Variants in ADCY3 observed in about 807,000 individuals in gnomAD.
ADCY3 encodes the protein adenylate cyclase 3, also known as adenylate cyclase type 3.
ADCY3 carries 70 observed loss-of-function variants against 119.4 expected under a neutral mutation model. The observed-to-expected ratio is 0.59, with a 90% CI of 0.48 to 0.72. The LOEUF is 0.72. Ranked by LOEUF, ADCY3 falls within the 30% of genes least tolerant of loss-of-function variation. ADCY3 has a pLI of 0.00. For missense variants in ADCY3, 1,238 were observed against 1,541.6 expected (o/e 0.80, Z 3.30); for synonymous variants, 672 against 621.4 (o/e 1.08, Z -1.21).
intron 2 of ADCY3, among the ~76,000 whole-genome samples, chr2:24,886,253 A>G (rs1677010811): frequency 6.6e-6 from 1 of 152,148 alleles, no homozygotes; most frequent in Admixed American, 6.5e-5. Context: ...AGGAAATGCC[A>G]ACTCCACGGT....
chr2:24,820,903 C>A, intron 20 of ADCY3, 55 bp from the exon 21 acceptor site: 2 of 1,598,444 alleles, frequency 1.3e-6, no homozygotes, highest in Non-Finnish European at 1.7e-6. Flanking sequence ...TGTTATGGGC[C>A]TCAGAAGCCA....
chr2:24,890,936 A>G (rs1414542692), intron 2 of ADCY3, among the ~76,000 whole-genome samples: 1 of 151,868 alleles, frequency 6.6e-6, no homozygotes, highest in Non-Finnish European at 1.5e-5. Flanking sequence ...CAGTGGCACG[A>G]TCTCGGCTCA....
chr2:24,859,655 G>A (rs567214243), intron 3 of ADCY3, among the ~76,000 whole-genome samples: 2 of 152,318 alleles, frequency 1.3e-5, no homozygotes, highest in South Asian at 2.1e-4. Flanking sequence ...CCCAAGCTCC[G>A]GGGCTCCCAG....
At chr2:24,849,094 G>A (rs117138435) in intron 3 of ADCY3, among the ~76,000 whole-genome samples, 3,912 of 152,292 alleles carry the variant, frequency 0.026, 66 homozygotes, top group South Asian at 0.049. Flanking sequence ...TCACAGCACC[G>A]TGCTGGCCTC....
intron 3 of ADCY3, among the ~76,000 whole-genome samples, chr2:24,860,529 T>A (rs1296071613): frequency 6.6e-6 from 1 of 152,116 alleles, no homozygotes. Context: ...CAGGCTCCAC[T>A]ACCTCCCTGA....
chr2:24,836,184 C>T (rs1020285574), intron 9 of ADCY3, among the ~76,000 whole-genome samples: 1 of 152,176 alleles, frequency 6.6e-6, no homozygotes, highest in Non-Finnish European at 1.5e-5. Flanking sequence ...AGTGAGTGCC[C>T]TGAGTCTGGA....
Position 24,823,352 on chromosome 2 carries a change from G to A in ADCY3, c.2740C>T (p.Leu914=). ...FLGSKKRDEE[L]YSQTYDEIGV... is the part of the protein sequence containing the mutation. ...ATCTCATCATACGTCTGGCTATACAGCTCCTAAAAAGAGGTGCGGACAACG... is the reference window on the plus strand; with the variant it reads ...ATCTCATCATACGTCTGGCTATACAACTCCTAAAAAGAGGTGCGGACAACG... The change falls in exon 18 of 22, where the codon CTG becomes TTG. Residue 914 remains leucine (L), a synonymous_variant. Coordinates refer to ENST00000679454, the MANE Select transcript of ADCY3 (RefSeq NM_004036.5). 10 of 1,611,336 alleles carry A rather than the reference G, an allele frequency of 6.2e-6. No individual in the cohort carries two copies. The highest frequency in any genetic ancestry group is 7.6e-6 in the Non-Finnish European group (9 of 1,179,244).
chr2:24,829,114 T>C (rs1278489395), intron 13 of ADCY3, among the ~76,000 whole-genome samples: 1 of 151,926 alleles, frequency 6.6e-6, no homozygotes, highest in Non-Finnish European at 1.5e-5. Flanking sequence ...CCTCCCAGGT[T>C]CAAGCGATTC....
Position 24,831,730 on chromosome 2 carries a change from T to G in ADCY3, c.1987A>C (p.Thr663Pro), listed in dbSNP as rs750097204. The G allele has an allele frequency of 4.3e-6, 7 of 1,611,740 alleles. No homozygotes were observed. In the East Asian group the frequency reaches 1.6e-4, roughly 36 times the overall value. Residue 663 changes from threonine (T) to proline (P), a missense_variant, in exon 12 of 22, where the codon ACC becomes CCC. Transcript: ENST00000679454. Reference sequence around the variant, plus strand: ...AGCAGAATCTCCCCCACCATGAAGGTCACATAGTTTGTCATTAGCCTGTGA... The same window carrying G: ...AGCAGAATCTCCCCCACCATGAAGGGCACATAGTTTGTCATTAGCCTGTGA... Reference protein sequence around the residue: ...IDPWLMTNYVTFMVGEILLLI... With the variant: ...IDPWLMTNYVPFMVGEILLLI...
chr2:24,907,638 G>C (rs1663029734), intron 2 of ADCY3, among the ~76,000 whole-genome samples: 1 of 152,018 alleles, frequency 6.6e-6, no homozygotes, highest in African/African-American at 2.4e-5. Context: ...AGAGGGGATG[G>C]GCCTGCTGAA....
chr2:24,870,804 T>G (rs1396238765), intron 3 of ADCY3, among the ~76,000 whole-genome samples: 1 of 152,140 alleles, frequency 6.6e-6, no homozygotes, highest in Non-Finnish European at 1.5e-5. Flanking sequence ...CTAAAAAAGC[T>G]CTATGGGTTA....
At chr2:24,880,849 T>C (rs1676302137) in intron 2 of ADCY3, among the ~76,000 whole-genome samples, 1 of 152,168 alleles carries the variant, frequency 6.6e-6, no homozygotes, top group Admixed American at 6.5e-5. Context: ...AACTCATCTC[T>C]ACTAAAAGTA....
At position 24,837,061 on chromosome 2, in the gene ADCY3, G is replaced by C; in HGVS notation, c.1534-16C>G. ...TGGGCAGGGCCTAGAGGAAAGGAGA[G>C]CTCAGCCATGATCTGGGCATGGGAT... On this transcript the variant is annotated splice_polypyrimidine_tract_variant and intron_variant, in intron 8 of 21. Coordinates refer to ENST00000679454, the MANE Select transcript of ADCY3 (RefSeq NM_004036.5). The C allele has an allele frequency of 6.2e-7, 1 of 1,613,132 alleles. No homozygotes were observed. The highest frequency in any genetic ancestry group is 8.5e-7 in the Non-Finnish European group (1 of 1,179,592).
intron 15 of ADCY3, chr2:24,826,371 G>A: frequency 2.1e-6 from 1 of 484,034 alleles, no homozygotes; most frequent in South Asian, 2.9e-5. Context: ...TCACATCAGG[G>A]CTGCTCCCCA....
intron 11 of ADCY3, among the ~76,000 whole-genome samples, chr2:24,833,349 C>T (rs576900777): frequency 3.9e-5 from 6 of 152,212 alleles, no homozygotes; most frequent in Non-Finnish European, 7.3e-5. Flanking sequence ...CCAGGCCACT[C>T]CAGCCTCAGC....
intron 2 of ADCY3, among the ~76,000 whole-genome samples, chr2:24,890,065 G>C (rs182304837): frequency 1.3e-5 from 2 of 152,084 alleles, no homozygotes; most frequent in Admixed American, 1.3e-4. Flanking sequence ...GCTTTTTTCT[G>C]CATTTGACAA....
At chr2:24,892,253 C>CTT (rs34728703) in intron 2 of ADCY3, among the ~76,000 whole-genome samples, 5,876 of 144,220 alleles carry the variant, frequency 0.041, 387 homozygotes, top group African/African-American at 0.14. Flanking sequence ...TGTATTGAGT[C>CTT]TTTTTTTTTT....
At chr2:24,877,899 T>G (rs1376958045) in intron 2 of ADCY3, 1 of 471,110 alleles carries the variant, frequency 2.1e-6, no homozygotes, top group Non-Finnish European at 4.4e-6. Context: ...CACTGCCCAG[T>G]CCCGGGTCCT....
At chr2:24,882,221 G>A (rs1676485554) in intron 2 of ADCY3, among the ~76,000 whole-genome samples, 1 of 151,470 alleles carries the variant, frequency 6.6e-6, no homozygotes, top group South Asian at 2.1e-4. Flanking sequence ...GGGTGTAGAT[G>A]GTCAAAACCA....
Sources: gnomAD v4.1 joint callset for allele counts (sites outside exome capture counted in the v4.1 genomes callset) on GRCh38, gnomAD v4.1.1 for gene constraint, MANE v1.5 for transcripts, NCBI Gene and HGNC (gene_info 2026-07-23, HGNC 2026-07-21) for gene names.